WWOX: variants seen among roughly 807,000 people sequenced by gnomAD.
The protein encoded by WWOX is WW domain-containing oxidoreductase.
A neutral mutation model predicts 46.2 loss-of-function variants in WWOX; 69 were observed. The ratio of observed to expected loss-of-function variants is 1.49; its 90% CI spans 1.23 to 1.82. The LOEUF is 1.82. Among genes scored for constraint, WWOX ranks in the 40% most tolerant of loss-of-function variants. The probability of loss-of-function intolerance (pLI) is 0.00; values close to 1 mark genes in which losing one functional copy is unlikely to be tolerated. For missense variants in WWOX, 919 were observed against 542.6 expected (o/e 1.69, Z -6.89); for synonymous variants, 359 against 202.6 (o/e 1.77, Z -6.56).
intron 8 of WWOX, among the ~76,000 whole-genome samples, chr16:79,166,586 A>C (rs547006031): frequency 6.6e-6 from 1 of 152,298 alleles, no homozygotes; most frequent in South Asian, 2.1e-4. Flanking sequence ...TGACTATGTC[A>C]GGTAGACTTA....
At chr16:79,209,467 C>G (rs79678116) in intron 8 of WWOX, among the ~76,000 whole-genome samples, 3,695 of 152,300 alleles carry the variant, frequency 0.024, 46 homozygotes, top group East Asian at 0.039. Context: ...AAAGGCCAGT[C>G]TGTCATGACG....
At chr16:78,626,909 A>G (rs901340959) in intron 8 of WWOX, among the ~76,000 whole-genome samples, 1 of 152,110 alleles carries the variant, frequency 6.6e-6, no homozygotes, top group Non-Finnish European at 1.5e-5. Context: ...AGATGGAACA[A>G]TTTGGTCTTC....
intron 8 of WWOX, among the ~76,000 whole-genome samples, chr16:78,963,521 C>T (rs1046135435): frequency 1.3e-5 from 2 of 152,280 alleles, no homozygotes; most frequent in Non-Finnish European, 2.9e-5. Flanking sequence ...AGACAGCAGT[C>T]GCTTCACTCC....
intron 8 of WWOX, among the ~76,000 whole-genome samples, chr16:79,060,851 A>G (rs2048345829): frequency 6.6e-6 from 1 of 152,220 alleles, no homozygotes. Flanking sequence ...TTTTATTGAA[A>G]TGAATATTGG....
intron 8 of WWOX, among the ~76,000 whole-genome samples, chr16:78,647,953 A>G (rs1410555129): frequency 2.0e-5 from 3 of 152,210 alleles, no homozygotes; most frequent in Non-Finnish European, 1.5e-5. Context: ...AAAATTTCAT[A>G]TGAACGGTGG....
At chr16:79,122,023 T>C (rs1485889404) in intron 8 of WWOX, among the ~76,000 whole-genome samples, 1 of 152,180 alleles carries the variant, frequency 6.6e-6, no homozygotes, top group African/African-American at 2.4e-5. Flanking sequence ...TTAAGAGCAT[T>C]AATTCCTTAC....
chr16:78,344,208 C>G (rs144879621), intron 5 of WWOX, among the ~76,000 whole-genome samples: 3 of 119,962 alleles, frequency 2.5e-5, no homozygotes, highest in Admixed American at 1.6e-4. Flanking sequence ...GAGTGAATGG[C>G]AGCGTTTTGA....
At chr16:78,470,393 C>G (rs1415191760) in intron 8 of WWOX, among the ~76,000 whole-genome samples, 1 of 152,158 alleles carries the variant, frequency 6.6e-6, no homozygotes, top group African/African-American at 2.4e-5. Flanking sequence ...TTACCTTTTC[C>G]CCCTCAAGAT....
intron 8 of WWOX, among the ~76,000 whole-genome samples, chr16:78,912,044 C>T (rs1334794755): frequency 6.6e-6 from 1 of 152,010 alleles, no homozygotes; most frequent in Non-Finnish European, 1.5e-5. Context: ...GGCAAAGCTA[C>T]CTAGGTTCTG....
chr16:79,005,375 A>G (rs145189159), intron 8 of WWOX, among the ~76,000 whole-genome samples: 1 of 152,308 alleles, frequency 6.6e-6, no homozygotes, highest in African/African-American at 2.4e-5. Context: ...AGCTGTAGCC[A>G]AGGATGATGG....
chr16:78,360,993 G>A (rs1242256850), intron 5 of WWOX, among the ~76,000 whole-genome samples: 2 of 151,960 alleles, frequency 1.3e-5, no homozygotes, highest in Non-Finnish European at 2.9e-5. Flanking sequence ...GCTAATTTTT[G>A]CATTTGTTTT....
chr16:79,149,619 G>T (rs1451959333), intron 8 of WWOX, among the ~76,000 whole-genome samples: 1 of 152,174 alleles, frequency 6.6e-6, no homozygotes, highest in Non-Finnish European at 1.5e-5. Flanking sequence ...AGCTTTAGTT[G>T]CATAAGAACC....
Position 78,746,192 on chromosome 16 carries a change from G to C in WWOX, c.1056+313440G>C, listed in dbSNP as rs545560500. Among the ~76,000 whole-genome samples the C allele has an allele frequency of 1.4e-4, 22 of 152,342 alleles. 1 individual carries two copies. Among genetic ancestry groups the C allele is most frequent in the East Asian group, 9.6e-4 (5 of 5,186 alleles). On this transcript the variant is annotated intron_variant, in intron 8 of 8. Coordinates refer to ENST00000566780, the MANE Select transcript of WWOX (RefSeq NM_016373.4). Reference sequence around the variant, plus strand: ...AAAGCAGGGTCAGCAGAAAGCTGACGTAGTTGGGTCTAAAGTACAACAGGA... The same window carrying C: ...AAAGCAGGGTCAGCAGAAAGCTGACCTAGTTGGGTCTAAAGTACAACAGGA...
intron 5 of WWOX, among the ~76,000 whole-genome samples, chr16:78,193,154 G>C (rs28562472): frequency 6.6e-6 from 1 of 152,140 alleles, no homozygotes; most frequent in East Asian, 1.9e-4. Context: ...TCATGTGTGC[G>C]TCATATTGTC....
At chr16:78,604,912 C>T (rs1418431427) in intron 8 of WWOX, among the ~76,000 whole-genome samples, 1 of 44,528 alleles carries the variant, frequency 2.2e-5, no homozygotes, top group Non-Finnish European at 4.6e-5. Context: ...TCCTCCCTCC[C>T]TCCCTCCCTG....
chr16:78,658,150 C>T (rs1284086288), intron 8 of WWOX, among the ~76,000 whole-genome samples: 39 of 152,194 alleles, frequency 2.6e-4, no homozygotes, highest in Non-Finnish European at 1.5e-5. Context: ...TCTCAAAATA[C>T]CAAAAACATT....
At chr16:79,128,226 C>T (rs1024621873) in intron 8 of WWOX, among the ~76,000 whole-genome samples, 1 of 152,162 alleles carries the variant, frequency 6.6e-6, no homozygotes, top group South Asian at 2.1e-4. Flanking sequence ...TTGTTTGTGG[C>T]AATGTCACTT....
intron 8 of WWOX, among the ~76,000 whole-genome samples, chr16:79,099,442 C>G (rs188440447): frequency 1.3e-5 from 2 of 152,200 alleles, no homozygotes; most frequent in Non-Finnish European, 2.9e-5. Context: ...GCAGCGCGCA[C>G]ACTCTGTTAA....
rs935535325 is a variant in WWOX, at chr16:79,172,575, C to T, written c.1057-39033C>T. On this transcript the variant is annotated intron_variant, in intron 8 of 8. Transcript: ENST00000566780. Reference sequence around the variant, plus strand: ...CAGCATGTCTACTCTGGGAAAGAACCTGTGGAGCCTCTTTAGGAGTGTGTT... The same window carrying T: ...CAGCATGTCTACTCTGGGAAAGAACTTGTGGAGCCTCTTTAGGAGTGTGTT... Among the ~76,000 whole-genome samples the T allele has an allele frequency of 1.2e-4, 18 of 152,298 alleles. No individual in the cohort carries two copies. In the East Asian group the frequency reaches 3.3e-3, roughly 28 times the overall value.
Sources: allele counts gnomAD v4.1 joint callset (sites outside exome capture counted in the v4.1 genomes callset), GRCh38; gene constraint gnomAD v4.1.1; transcripts MANE v1.5; gene names NCBI Gene and HGNC (gene_info 2026-07-23, HGNC 2026-07-21).